Variants in ZNF385D observed in about 807,000 individuals in gnomAD.
The protein encoded by ZNF385D is zinc finger protein 385D, also known as zinc finger protein 659.
ZNF385D carries 15 observed loss-of-function variants against 35.8 expected under a neutral mutation model. The ratio of observed to expected loss-of-function variants is 0.42; its 90% CI spans 0.28 to 0.64. ZNF385D has a LOEUF of 0.64. Ranked by LOEUF, ZNF385D falls within the 30% of genes least tolerant of loss-of-function variation. The pLI is 0.23. For synonymous variants in ZNF385D, 212 were observed against 186.8 expected (o/e 1.13, Z -1.10); for missense variants, 474 against 494.6 (o/e 0.96, Z 0.39).
At chr3:21,940,521 A>G (rs1701466365) in intron 3 of ZNF385D, among the ~76,000 whole-genome samples, 1 of 152,226 alleles carries the variant, frequency 6.6e-6, no homozygotes, top group Admixed American at 6.5e-5. Context: ...AACAAAGTTT[A>G]TATTTTATGC....
intron 3 of ZNF385D, among the ~76,000 whole-genome samples, chr3:22,127,317 C>CCTTTTTTTTTTTTT (rs1703492425): frequency 5.3e-5 from 3 of 56,308 alleles, no homozygotes; most frequent in African/African-American, 2.4e-4. Context: ...TCATTTCCTG[C>CCTTTTTTTTTTTTT]TTTTTTTTTT....
At chr3:22,204,067 C>A (rs76635614) in intron 2 of ZNF385D, among the ~76,000 whole-genome samples, 7,091 of 152,166 alleles carry the variant, frequency 0.047, 254 homozygotes, top group South Asian at 0.17. Flanking sequence ...TCTGATCCAG[C>A]ACAATCCCAA....
At chr3:22,078,629 T>G (rs1313160191) in intron 3 of ZNF385D, among the ~76,000 whole-genome samples, 3 of 152,022 alleles carry the variant, frequency 2.0e-5, no homozygotes, top group Non-Finnish European at 4.4e-5. Flanking sequence ...GTTGACATTA[T>G]CTTCAAAACA....
At chr3:21,655,406 C>G (rs1452068870) in intron 2 of ZNF385D, among the ~76,000 whole-genome samples, 1 of 151,964 alleles carries the variant, frequency 6.6e-6, no homozygotes, top group East Asian at 1.9e-4. Context: ...TTGAGTTTTA[C>G]AAAGCCTAAA....
intron 3 of ZNF385D, among the ~76,000 whole-genome samples, chr3:21,955,047 G>GT (rs1368519487): frequency 6.6e-6 from 1 of 152,066 alleles, no homozygotes; most frequent in African/African-American, 2.4e-5. Context: ...AAAAGTCAAG[G>GT]TTTTTTATCG....
chr3:22,305,599 G>C (rs1703162641), intron 2 of ZNF385D, among the ~76,000 whole-genome samples: 1 of 152,076 alleles, frequency 6.6e-6, no homozygotes, highest in Admixed American at 6.6e-5. Context: ...AAAAGAGTAT[G>C]GTGAATGACC....
intron 3 of ZNF385D, among the ~76,000 whole-genome samples, chr3:21,949,579 T>TTA (rs1559783803): frequency 2.8e-5 from 4 of 141,946 alleles, no homozygotes; most frequent in South Asian, 2.2e-4. Context: ...TTAATACTTT[T>TTA]AAGTTCTGGG....
At chr3:22,036,709 GTT>G (rs769311209) in intron 3 of ZNF385D, among the ~76,000 whole-genome samples, 3,046 of 133,692 alleles carry the variant, frequency 0.023, 93 homozygotes, top group African/African-American at 0.08. Context: ...GCCCTACTAG[GTT>G]TTTTTTTTTT....
At chr3:21,637,908 C>G (rs748193869) in intron 2 of ZNF385D, among the ~76,000 whole-genome samples, 3 of 152,088 alleles carry the variant, frequency 2.0e-5, no homozygotes, top group Non-Finnish European at 4.4e-5. Flanking sequence ...CTAATACTGA[C>G]TCTGGGTTTA....
At chr3:21,883,722 T>G (rs1347742384) in intron 3 of ZNF385D, among the ~76,000 whole-genome samples, 1 of 152,046 alleles carries the variant, frequency 6.6e-6, no homozygotes, top group Non-Finnish European at 1.5e-5. Flanking sequence ...TCATTTCATT[T>G]TTGTTACATT....
At chr3:21,526,843 CA>C (rs1708257332) in intron 3 of ZNF385D, among the ~76,000 whole-genome samples, 2 of 152,196 alleles carry the variant, frequency 1.3e-5, no homozygotes, top group African/African-American at 4.8e-5. Flanking sequence ...AAGCAAACTT[CA>C]CCCATCTGAC....
chr3:22,309,291 A>ATTTT (rs79132144), intron 2 of ZNF385D, among the ~76,000 whole-genome samples: 1 of 151,300 alleles, frequency 6.6e-6, no homozygotes, highest in Admixed American at 6.6e-5. Context: ...ACTTGTAATT[A>ATTTT]TTTATCTCTG....
At chr3:22,002,487 C>T (rs1213067715) in intron 3 of ZNF385D, among the ~76,000 whole-genome samples, 1 of 152,100 alleles carries the variant, frequency 6.6e-6, no homozygotes, top group Non-Finnish European at 1.5e-5. Flanking sequence ...TACCACTGAA[C>T]TCTACCAAAC....
rs189509459 is a variant in ZNF385D at position 21,661,480 on chromosome 3, C to A, written c.165+3406G>T. Among the ~76,000 whole-genome samples, 12 of 152,288 alleles carry A rather than the reference C, an allele frequency of 7.9e-5. No individual in the cohort carries two copies. In the East Asian group the frequency reaches 2.3e-3, roughly 29 times the overall value. On this transcript the variant is annotated intron_variant, in intron 2 of 7. Coordinates refer to ENST00000281523, the MANE Select transcript of ZNF385D (RefSeq NM_024697.3). Reference sequence around the variant, plus strand: ...GTTGACTGAATGAACTAAGCTCAAACCCCTTTCTAATATTTCTTCCTAAAC... The same window carrying A: ...GTTGACTGAATGAACTAAGCTCAAAACCCTTTCTAATATTTCTTCCTAAAC...
intron 1 of ZNF385D, among the ~76,000 whole-genome samples, chr3:21,735,821 T>C (rs1292265662): frequency 6.6e-6 from 1 of 152,178 alleles, no homozygotes; most frequent in African/African-American, 2.4e-5. Context: ...TCACAGTCTT[T>C]CTTGTAGGAT....
chr3:22,139,325 A>G (rs1191414925), intron 3 of ZNF385D, among the ~76,000 whole-genome samples: 1 of 152,192 alleles, frequency 6.6e-6, no homozygotes, highest in African/African-American at 2.4e-5. Context: ...CATATGTTTA[A>G]TGCGGCAGTA....
intron 3 of ZNF385D, among the ~76,000 whole-genome samples, chr3:21,840,287 C>T (rs1350962030): frequency 6.6e-6 from 1 of 152,016 alleles, no homozygotes; most frequent in Non-Finnish European, 1.5e-5. Context: ...ACAATTAAGA[C>T]AAATTCAGAC....
intron 2 of ZNF385D, among the ~76,000 whole-genome samples, chr3:22,316,826 C>T (rs1422256120): frequency 1.3e-5 from 2 of 152,138 alleles, no homozygotes; most frequent in Non-Finnish European, 2.9e-5. Flanking sequence ...GAAAGTGATA[C>T]CCCAAAGACT....
At chr3:22,320,499 T>C (rs1441523539) in intron 2 of ZNF385D, among the ~76,000 whole-genome samples, 1 of 151,864 alleles carries the variant, frequency 6.6e-6, no homozygotes, top group African/African-American at 2.4e-5. Context: ...CACAATTTTT[T>C]GGCATATGAT....
Sources: gnomAD v4.1 joint callset for allele counts (sites outside exome capture counted in the v4.1 genomes callset) on GRCh38, gnomAD v4.1.1 for gene constraint, MANE v1.5 for transcripts, NCBI Gene and HGNC (gene_info 2026-07-23, HGNC 2026-07-21) for gene names.